Variants in SYDE1 observed in about 807,000 individuals in gnomAD.
The protein encoded by SYDE1 is rho GTPase-activating protein SYDE1.
SYDE1 carries 34 observed loss-of-function variants against 63.3 expected under a neutral mutation model. The observed-to-expected ratio is 0.54, with a 90% confidence interval of 0.41 to 0.71. SYDE1 has a LOEUF of 0.71. Among genes scored for constraint, SYDE1 ranks in the 30% least tolerant of loss-of-function variants. The probability of loss-of-function intolerance (pLI) is 0.00; values close to 1 mark genes in which losing one functional copy is unlikely to be tolerated. For synonymous variants in SYDE1, 467 were observed against 473.4 expected (o/e 0.99, Z 0.18); for missense variants, 925 against 1,042.5 (o/e 0.89, Z 1.55).
At position 15,114,378 on chromosome 19, in the gene SYDE1, G is replaced by A. The variant is rs2145333655; in HGVS notation, c.*415G>A. 4.9e-6 allele frequency: 1 copy of A among 204,244 alleles called. No homozygotes were observed. The highest frequency in any genetic ancestry group is 5.3e-5 in the Admixed American group (1 of 18,792). 12.7% of individuals were successfully genotyped at this position (204,244 alleles called of 1,614,324 possible). ...CCTCTTGCTGCTGCCAACCAAATCAGTATTAGCTTTGAGCACTGCACTGTT... is the reference window on the plus strand; with the variant it reads ...CCTCTTGCTGCTGCCAACCAAATCAATATTAGCTTTGAGCACTGCACTGTT... On this transcript the variant is annotated 3_prime_UTR_variant, in exon 8 of 8. Transcript: ENST00000342784.
chr19:15,113,950 A>C lies in SYDE1; in HGVS notation c.2195A>C (p.Asn732Thr). 6.2e-7 allele frequency: 1 copy of C among 1,612,148 alleles called. No individual in the cohort carries two copies. Among genetic ancestry groups the C allele is most frequent in the Non-Finnish European group, 8.5e-7 (1 of 1,178,666 alleles). Residue 732 changes from asparagine (N) to threonine (T), a missense_variant, in exon 8 of 8, where the codon AAC becomes ACC. Asn to Thr is a moderately conservative substitution (Grantham distance 65, BLOSUM62 0). Around this residue, in one of 3 missense-constraint regions of SYDE1, gnomAD observed 255 missense variants for 255.9 expected, o/e 1.00. Transcript: ENST00000342784. Reference sequence around the variant, plus strand: ...GAGAGAGAGCTCTCCAAGCAAATCAACGTGTGCCTCTGAGCCAGATGACGG... The same window carrying C: ...GAGAGAGAGCTCTCCAAGCAAATCACCGTGTGCCTCTGAGCCAGATGACGG... ...DLERELSKQI[N>T]VCL
Position 15,113,008 on chromosome 19 carries a change from G to A in SYDE1, c.1804+437G>A, listed in dbSNP as rs550305984. ...CAACCTCTGCCTCCCAGGTTCAAGG[G>A]ATTCTCCCACCTCAGCCTCCCGAGT... On this transcript the variant is annotated intron_variant, in intron 7 of 7. Coordinates refer to ENST00000342784, the MANE Select transcript of SYDE1 (RefSeq NM_033025.6). Among the ~76,000 whole-genome samples the A allele has an allele frequency of 2.2e-3, 334 of 152,156 alleles. 1 individual carries two copies. Among genetic ancestry groups the A allele is most frequent in the Non-Finnish European group, 3.9e-3 (262 of 67,994 alleles).
Position 15,111,361 on chromosome 19 carries a change from CT to C in SYDE1, c.1341del (p.Arg448GlyfsTer82). 6.2e-7 allele frequency: 1 copy of C among 1,614,158 alleles called. No individual in the cohort carries two copies. The highest frequency in any genetic ancestry group is 1.7e-5 in the Admixed American group (1 of 60,020). ...LCGSAAVKKE[L>X]RDAFERDSAA... ...TGGCTCAGCGGCAGTGAAGAAAGAGCTTCGGGATGCCTTTGAGCGGGACAGT... is the reference window on the plus strand; with the variant it reads ...TGGCTCAGCGGCAGTGAAGAAAGAGCTCGGGATGCCTTTGAGCGGGACAGT... On this transcript the variant is annotated frameshift_variant, in exon 5 of 8. Coordinates refer to ENST00000342784, the MANE Select transcript of SYDE1 (RefSeq NM_033025.6). LOFTEE classifies it high-confidence loss of function. This position sits in a 1 kb window ranked among gnomAD's most constrained non-coding sequence, Gnocchi z 5.5.
In SYDE1 at chr19:15,109,480, C is replaced by G. The variant is rs1253855322; in HGVS notation, c.430+83C>G. On this transcript the variant is annotated intron_variant, in intron 2 of 7. Coordinates refer to ENST00000342784, the MANE Select transcript of SYDE1 (RefSeq NM_033025.6). This position sits in a 1 kb window ranked among gnomAD's most constrained non-coding sequence, Gnocchi z 5.0. ...CCTTCAGGGTAGCACCAGCCTCACACTCCCTCCTCCCAGAGGAGCACCAAC... is the reference window on the plus strand; with the variant it reads ...CCTTCAGGGTAGCACCAGCCTCACAGTCCCTCCTCCCAGAGGAGCACCAAC... The G allele has an allele frequency of 1.4e-6, 2 of 1,419,956 alleles. No individual in the cohort carries two copies. Among genetic ancestry groups the G allele is most frequent in the Non-Finnish European group, 1.9e-6 (2 of 1,070,706 alleles). 88.0% of individuals were successfully genotyped at this position (1,419,956 alleles called of 1,614,324 possible). A position where few individuals can be genotyped will look rare whatever the true frequency, so the allele number is the denominator to read the frequency against.
Position 15,110,675 on chromosome 19 carries a change from C to CG in SYDE1, c.1232dup (p.Gln412ProfsTer41). ...TGCTGGTGGAGCGGGAGCGGCCCCC[C>CG]GGCCAGGTGCCCCTCATCATCCAGA... On this transcript the variant is annotated frameshift_variant, in exon 4 of 8. Coordinates refer to ENST00000342784, the MANE Select transcript of SYDE1 (RefSeq NM_033025.6). LOFTEE classifies it high-confidence loss of function. The surrounding 1 kb of genome is among the most constrained non-coding windows in gnomAD (Gnocchi z 6.9). 1 of 1,582,864 alleles carries CG rather than the reference C, an allele frequency of 6.3e-7. No homozygotes were observed. Among genetic ancestry groups the CG allele is most frequent in the Non-Finnish European group, 8.6e-7 (1 of 1,166,654 alleles).
At chr19:15,113,530 C>G (rs781260245) in intron 7 of SYDE1, 30 bp from the exon 8 acceptor site, 2 of 1,508,764 alleles carry the variant, frequency 1.3e-6, no homozygotes, top group Non-Finnish European at 1.8e-6. Context: ...GCTGTCGCCT[C>G]TTTCTATGAC....
rs530931637 is a variant in SYDE1 at position 15,108,192 on chromosome 19, G to C, written c.88+671G>C. On this transcript the variant is annotated intron_variant, in intron 1 of 7. Transcript: ENST00000342784. This position sits in a 1 kb window ranked among gnomAD's most constrained non-coding sequence, Gnocchi z 4.3. ...GAGGAGGAGTTCAGCAGGGTAGCAA[G>C]TAAAAACCTTAGAGAAACAGCTGCG... Among the ~76,000 whole-genome samples the C allele has an allele frequency of 5.3e-5, 8 of 152,302 alleles. No individual in the cohort carries two copies. The highest frequency in any genetic ancestry group is 1.2e-4 in the Non-Finnish European group (8 of 68,012).
Position 15,108,957 on chromosome 19 carries a change from A to G in SYDE1, c.89-99A>G. On this transcript the variant is annotated intron_variant, in intron 1 of 7. Transcript: ENST00000342784. This position sits in a 1 kb window ranked among gnomAD's most constrained non-coding sequence, Gnocchi z 4.3. ...AACCATGACTTATCAGGGGCCGGCC[A>G]GGGCCGTACACAGCATCCCACCCAC... 1 of 1,416,002 alleles carries G rather than the reference A, an allele frequency of 7.1e-7. No homozygotes were observed. The highest frequency in any genetic ancestry group is 9.2e-7 in the Non-Finnish European group (1 of 1,088,930). The allele number at this position is 1,416,002 out of a possible 1,614,324, so 87.7% of individuals were successfully genotyped here.
Position 15,113,924 on chromosome 19 carries a change from GGAGA to G in SYDE1, c.2175_2178del (p.Arg725SerfsTer34), listed in dbSNP as rs746001550. The G allele has an allele frequency of 3.7e-6, 6 of 1,613,940 alleles. No homozygotes were observed. The African/African-American group carries it at 5.3e-5, about 14-fold the overall frequency. On this transcript the variant is annotated frameshift_variant, in exon 8 of 8. Coordinates refer to ENST00000342784, the MANE Select transcript of SYDE1 (RefSeq NM_033025.6). LOFTEE classifies it high-confidence loss of function. ...ACTTCGACGCCCTCATCCTGGATCT[GGAGA>G]GAGAGCTCTCCAAGCAAATCAACGT...
rs1232556940 is a variant in SYDE1, at chr19:15,109,870, C to G, written c.597C>G (p.Ser199=). The G allele has an allele frequency of 1.3e-6, 2 of 1,521,834 alleles. No homozygotes were observed. Among genetic ancestry groups the G allele is most frequent in the African/African-American group, 2.8e-5 (2 of 72,026 alleles). The allele number at this position is 1,521,834 out of a possible 1,614,324, so 94.3% of individuals were successfully genotyped here. A position where few individuals can be genotyped will look rare whatever the true frequency, so the allele number is the denominator to read the frequency against. Residue 199 remains serine (S), a synonymous_variant, in exon 3 of 8, where the codon TCC becomes TCG. Transcript: ENST00000342784. The surrounding 1 kb of genome is among the most constrained non-coding windows in gnomAD (Gnocchi z 5.0). The part of the protein sequence containing the change: ...RERERAAPAG[S]VISRYHLDSS... ...GCGAGAGGGCTGCCCCTGCGGGCTC[C>G]GTCATCAGCCGCTACCACCTGGACA...
At chr19:15,107,925 T>A (rs2046317824) in intron 1 of SYDE1, among the ~76,000 whole-genome samples, 1 of 151,962 alleles carries the variant, frequency 6.6e-6, no homozygotes, top group Non-Finnish European at 1.5e-5. Flanking sequence ...ATGGGAGGCG[T>A]ACTCCTGCAA....
At chr19:15,112,810 A>G (rs2046353868) in intron 7 of SYDE1, among the ~76,000 whole-genome samples, 1 of 152,210 alleles carries the variant, frequency 6.6e-6, no homozygotes, top group Admixed American at 6.5e-5. Context: ...TCTCAAACGC[A>G]TGATCTCAAG....
At position 15,110,496 on chromosome 19, in the gene SYDE1, G is replaced by A. The variant is rs771499919; in HGVS notation, c.1076-25G>A. On this transcript the variant is annotated intron_variant, in intron 3 of 7. Transcript: ENST00000342784. The surrounding 1 kb of genome is among the most constrained non-coding windows in gnomAD (Gnocchi z 6.9). ...GTACATGAAGCTTCAGAGCACACCCGGCTCAGGCCCCCTTGTGTCCTCAGG... is the reference window on the plus strand; with the variant it reads ...GTACATGAAGCTTCAGAGCACACCCAGCTCAGGCCCCCTTGTGTCCTCAGG... 5.8e-6 allele frequency: 9 copies of A among 1,545,790 alleles called. No homozygotes were observed. The East Asian group carries it at 9.6e-5, about 17-fold the overall frequency.
chr19:15,114,010 G>C lies in SYDE1; in HGVS notation c.*47G>C, dbSNP rs367881199. ...CCGGTTAGTAAGGACCGGGCGCCCA[G>C]TGGCTAAGGCGGTGCCCTGGTGACC... is the stretch of plus-strand genomic sequence containing the variant. On this transcript the variant is annotated 3_prime_UTR_variant, in exon 8 of 8. Coordinates refer to ENST00000342784, the MANE Select transcript of SYDE1 (RefSeq NM_033025.6). 96 of 1,566,086 alleles carry C rather than the reference G, an allele frequency of 6.1e-5. No homozygotes were observed. The highest frequency in any genetic ancestry group is 8.1e-5 in the Non-Finnish European group (94 of 1,153,490).
Position 15,111,270 on chromosome 19 carries a change from TG to T in SYDE1, c.1291-41del. 6.2e-7 allele frequency: 1 copy of T among 1,609,968 alleles called. No individual in the cohort carries two copies. Among genetic ancestry groups the T allele is most frequent in the South Asian group, 1.1e-5 (1 of 90,616 alleles). ...ACCCCACTGGGCCCTGATTAGTCTG[TG>T]GCCCCGGCAAGAAGACATTCACTCT... On this transcript the variant is annotated intron_variant, in intron 4 of 7. Coordinates refer to ENST00000342784, the MANE Select transcript of SYDE1 (RefSeq NM_033025.6). This position sits in a 1 kb window ranked among gnomAD's most constrained non-coding sequence, Gnocchi z 5.5.
Position 15,108,815 on chromosome 19 carries a change from TGCAGG to T in SYDE1, c.89-239_89-235del. 2.1e-6 allele frequency: 1 copy of T among 478,722 alleles called. No individual in the cohort carries two copies. The highest frequency in any genetic ancestry group is 6.4e-5 in the South Asian group (1 of 15,700). 29.7% of individuals were successfully genotyped at this position (478,722 alleles called of 1,614,324 possible). A position where few individuals can be genotyped will look rare whatever the true frequency, so the allele number is the denominator to read the frequency against. ...GAAGCCTGACTTAGAACCCTGAGGC[TGCAGG>T]GATGGAGTCCCCTTTTGGGATGCCA... On this transcript the variant is annotated intron_variant, in intron 1 of 7. Coordinates refer to ENST00000342784, the MANE Select transcript of SYDE1 (RefSeq NM_033025.6). This position sits in a 1 kb window ranked among gnomAD's most constrained non-coding sequence, Gnocchi z 4.3.
rs1169977607 is a variant in SYDE1, at chr19:15,113,984, C to T, written c.*21C>T. The T allele has an allele frequency of 1.2e-6, 2 of 1,600,418 alleles. No individual in the cohort carries two copies. Among genetic ancestry groups the T allele is most frequent in the African/African-American group, 2.7e-5 (2 of 74,696 alleles). ...TCTGAGCCAGATGACGGGGTGGGAC[C>T]CCGGTTAGTAAGGACCGGGCGCCCA... On this transcript the variant is annotated 3_prime_UTR_variant, in exon 8 of 8. Coordinates refer to ENST00000342784, the MANE Select transcript of SYDE1 (RefSeq NM_033025.6).
chr19:15,109,012 C>T lies in SYDE1; in HGVS notation c.89-44C>T. 1 of 1,446,726 alleles carries T rather than the reference C, an allele frequency of 6.9e-7. No homozygotes were observed. The highest frequency in any genetic ancestry group is 9.0e-7 in the Non-Finnish European group (1 of 1,105,998). The allele number at this position is 1,446,726 out of a possible 1,614,324, so 89.6% of individuals were successfully genotyped here. ...CAATTGCACAGGGCTGCTCTGCAGG[C>T]AGTGAGGGGCTGGGTGGGTCTCACT... On this transcript the variant is annotated intron_variant, in intron 1 of 7. Transcript: ENST00000342784. The surrounding 1 kb of genome is among the most constrained non-coding windows in gnomAD (Gnocchi z 5.0).
rs949695151 is a variant in SYDE1, at chr19:15,113,682, C to T, written c.1927C>T (p.Pro643Ser). Residue 643 changes from proline (P) to serine (S), a missense_variant, in exon 8 of 8, where the codon CCC becomes TCC. Transcript: ENST00000342784. Reference protein sequence around the residue: ...VVTRPRGRGGPESPPSNRYAG... With the variant: ...VVTRPRGRGGSESPPSNRYAG... ...GACTCGGCCCCGCGGTCGAGGAGGC[C>T]CCGAAAGCCCCCCGAGCAACCGCTA... 6.2e-7 allele frequency: 1 copy of T among 1,613,210 alleles called. No homozygotes were observed. Among genetic ancestry groups the T allele is most frequent in the Non-Finnish European group, 8.5e-7 (1 of 1,179,832 alleles).
Sources: allele counts gnomAD v4.1 joint callset (sites outside exome capture counted in the v4.1 genomes callset), GRCh38; gene constraint gnomAD v4.1.1; regional missense constraint gnomAD v4.1.1; non-coding constraint Gnocchi (gnomAD v3.1); transcripts MANE v1.5; gene names NCBI Gene and HGNC (gene_info 2026-07-23, HGNC 2026-07-21).